The following ZFPM2 variants were observed in gnomAD, a reference collection of about 807,000 sequenced individuals.
ZFPM2 encodes the protein zinc finger protein, FOG family member 2, also known as zinc finger protein ZFPM2.
ZFPM2 carries 20 observed loss-of-function variants against 98.6 expected under a neutral mutation model. That is an observed-to-expected ratio of 0.20 (90% CI 0.14 to 0.29). The LOEUF (loss-of-function observed/expected upper bound fraction) is 0.29, where lower values mean the gene tolerates loss of function less well. Ranked by LOEUF, ZFPM2 falls within the 10% of genes least tolerant of loss-of-function variation. The probability of loss-of-function intolerance (pLI) is 1.00; values close to 1 mark genes in which losing one functional copy is unlikely to be tolerated. For missense variants in ZFPM2, 1,310 were observed against 1,388.6 expected, an observed-to-expected ratio of 0.94 and a Z score of 0.90; for synonymous variants, 518 against 502.7, an observed-to-expected ratio of 1.03 and a Z score of -0.41.
At position 105,801,442 on chromosome 8, in the gene ZFPM2, C is replaced by A. The variant is rs1215768367; in HGVS notation, c.1360C>A (p.Pro454Thr). 3.7e-6 allele frequency: 6 copies of A among 1,613,764 alleles called. No individual in the cohort carries two copies. The highest frequency in any genetic ancestry group is 4.2e-6 in the Non-Finnish European group (5 of 1,179,876). ...TCAGCTCTTTCTCACGAACCAGAGA[C>A]CAGAGATACAGCCTACAACAAATAA... is the stretch of plus-strand genomic sequence containing the variant. ...KTQLFLTNQRPEIQPTTNKQS... is the reference protein window; with the variant it reads ...KTQLFLTNQRTEIQPTTNKQS... The change falls in exon 8 of 8, where the codon CCA becomes ACA. Residue 454 changes from proline to threonine, a missense_variant. Physicochemically the swap from Pro to Thr is conservative, Grantham distance 38 (BLOSUM62 -1). Coordinates refer to ENST00000407775, the MANE Select transcript of ZFPM2 (RefSeq NM_012082.4).
chr8:105,417,882 G>T (rs1261509673), intron 1 of ZFPM2, among the ~76,000 whole-genome samples: 1 of 151,972 alleles, frequency 6.6e-6, no homozygotes, highest in Non-Finnish European at 1.5e-5. Context: ...AAAAAGGAAA[G>T]GTAAAACACA....
At chr8:105,718,294 A>G (rs73700137) in intron 5 of ZFPM2, among the ~76,000 whole-genome samples, 4,339 of 151,934 alleles carry the variant, frequency 0.029, 224 homozygotes, top group African/African-American at 0.097. Context: ...AGGGGAATCA[A>G]TTCCAGGAAT....
intron 1 of ZFPM2, among the ~76,000 whole-genome samples, chr8:105,330,581 CATATATATATAT>C (rs55876331): frequency 3.2e-4 from 28 of 86,368 alleles, no homozygotes; most frequent in Middle Eastern, 6.4e-3. Context: ...TATATATATA[CATATATATATAT>C]ACATATATAT....
chr8:105,790,851 A>G (rs1269131385), intron 6 of ZFPM2, among the ~76,000 whole-genome samples: 1 of 152,066 alleles, frequency 6.6e-6, no homozygotes, highest in Non-Finnish European at 1.5e-5. Flanking sequence ...ATTCTCTTTG[A>G]AGCAATTGTG....
intron 2 of ZFPM2, among the ~76,000 whole-genome samples, chr8:105,424,158 A>G (rs1362644253): frequency 1.3e-5 from 2 of 152,338 alleles, no homozygotes; most frequent in South Asian, 4.1e-4. Context: ...ATTACAAAAA[A>G]CAAAGATAAC....
At chr8:105,573,570 T>A (rs1465196612) in intron 4 of ZFPM2, among the ~76,000 whole-genome samples, 1 of 152,224 alleles carries the variant, frequency 6.6e-6, no homozygotes, top group Non-Finnish European at 1.5e-5. Context: ...ATGAGGTATA[T>A]TTTATTATTA....
chr8:105,646,363 A>G (rs1817047120), intron 5 of ZFPM2, among the ~76,000 whole-genome samples: 1 of 152,064 alleles, frequency 6.6e-6, no homozygotes, highest in Admixed American at 6.6e-5. Context: ...GATATCAGGG[A>G]TGAAGTGAGT....
chr8:105,603,797 C>T (rs1483901588), intron 4 of ZFPM2, among the ~76,000 whole-genome samples: 5 of 152,034 alleles, frequency 3.3e-5, no homozygotes, highest in Admixed American at 6.6e-5. Flanking sequence ...ATAGTGATAA[C>T]GCTTGATTTT....
chr8:105,785,478 G>T (rs1296097574), intron 5 of ZFPM2, among the ~76,000 whole-genome samples: 1 of 151,990 alleles, frequency 6.6e-6, no homozygotes, highest in Non-Finnish European at 1.5e-5. Flanking sequence ...TTTCCTTTGG[G>T]AAACTTAGTT....
chr8:105,581,837 T>A (rs1460606991), intron 4 of ZFPM2, among the ~76,000 whole-genome samples: 1 of 152,212 alleles, frequency 6.6e-6, no homozygotes, highest in African/African-American at 2.4e-5. Context: ...CTCTTTCTTG[T>A]GCCTGGCTCT....
In ZFPM2 at chr8:105,360,826, G is replaced by T. The variant is rs1812844323; in HGVS notation, c.40+41845G>T. 5.8e-5 allele frequency among the ~76,000 whole-genome samples: 8 copies of T among 136,918 alleles called. No homozygotes were observed. The South Asian group carries it at 2.1e-3, about 36-fold the overall frequency. The allele number at this position is 136,918 out of a possible 152,430, so 89.8% of individuals were successfully genotyped here. ...ACTCATCATTTTTTATGGCTGCATA[G>T]TATTCCATGGTGTATATGTGCCACA... is the stretch of plus-strand genomic sequence containing the variant. On this transcript the variant is annotated intron_variant, in intron 1 of 7. Coordinates refer to ENST00000407775, the MANE Select transcript of ZFPM2 (RefSeq NM_012082.4).
At chr8:105,581,205 T>C (rs1388430568) in intron 4 of ZFPM2, among the ~76,000 whole-genome samples, 1 of 152,158 alleles carries the variant, frequency 6.6e-6, no homozygotes, top group Non-Finnish European at 1.5e-5. Context: ...AAAGGCATCC[T>C]AAAGTCATCT....
At position 105,487,546 on chromosome 8, in the gene ZFPM2, T is replaced by C. The variant is rs550224774; in HGVS notation, c.301+43165T>C. Among the ~76,000 whole-genome samples the C allele has an allele frequency of 7.7e-4, 118 of 152,288 alleles. 1 individual carries two copies. The highest frequency in any genetic ancestry group is 2.7e-3 in the African/African-American group (113 of 41,562). ...AATGATTTCTGTAAAGGACTACTTA[T>C]GGAGTGTATACTTTGACGTTGTTGT... On this transcript the variant is annotated intron_variant, in intron 3 of 7. Coordinates refer to ENST00000407775, the MANE Select transcript of ZFPM2 (RefSeq NM_012082.4).
intron 3 of ZFPM2, among the ~76,000 whole-genome samples, chr8:105,463,954 A>G (rs1812749426): frequency 6.6e-6 from 1 of 152,080 alleles, no homozygotes; most frequent in Admixed American, 6.6e-5. Flanking sequence ...TGCACATGCC[A>G]GAATTAGGAA....
chr8:105,458,402 T>C (rs10101205), intron 3 of ZFPM2, among the ~76,000 whole-genome samples: 136,598 of 152,108 alleles, frequency 0.9, 61,613 homozygotes, highest in African/African-American at 0.97. Flanking sequence ...TAGTTACAAC[T>C]TTACCGATGG....
intron 4 of ZFPM2, among the ~76,000 whole-genome samples, chr8:105,563,767 C>A (rs1815187921): frequency 6.6e-6 from 1 of 152,228 alleles, no homozygotes; most frequent in African/African-American, 2.4e-5. Context: ...GCTTACTAAA[C>A]ATTTTAAACT....
chr8:105,651,891 A>C (rs1467731234), intron 5 of ZFPM2, among the ~76,000 whole-genome samples: 10 of 152,286 alleles, frequency 6.6e-5, no homozygotes, highest in Non-Finnish European at 1.0e-4. Flanking sequence ...GATTCTCCCC[A>C]TGTCTCAAAA....
At chr8:105,432,932 A>G (rs1812048016) in intron 2 of ZFPM2, among the ~76,000 whole-genome samples, 1 of 152,012 alleles carries the variant, frequency 6.6e-6, no homozygotes, top group East Asian at 1.9e-4. Flanking sequence ...AGACACTCAT[A>G]TCCACAAAAC....
intron 1 of ZFPM2, among the ~76,000 whole-genome samples, chr8:105,331,391 T>A (rs541649481): frequency 1.0e-3 from 152 of 151,700 alleles, no homozygotes; most frequent in African/African-American, 3.4e-3. Context: ...GTTCTTTGAC[T>A]CTTGGTTTGG....
Sources: gnomAD v4.1 joint callset for allele counts (sites outside exome capture counted in the v4.1 genomes callset) on GRCh38, gnomAD v4.1.1 for gene constraint, MANE v1.5 for transcripts, NCBI Gene and HGNC (gene_info 2026-07-23, HGNC 2026-07-21) for gene names.